The following WDR7 variants were observed in gnomAD, a reference collection of about 807,000 sequenced individuals.
WDR7 encodes the protein WD repeat-containing protein 7.
WDR7 carries 46 observed loss-of-function variants against 169.4 expected under a neutral mutation model. The ratio of observed to expected loss-of-function variants is 0.27; its 90% CI spans 0.21 to 0.35. WDR7 has a LOEUF of 0.35. Among genes scored for constraint, WDR7 ranks in the 10% least tolerant of loss-of-function variants. The pLI is 1.00. For synonymous variants in WDR7, 612 were observed against 666.8 expected (o/e 0.92, Z 1.27); for missense variants, 1,534 against 1,859.3 (o/e 0.83, Z 3.22).
At position 56,939,240 on chromosome 18, in the gene WDR7, AAATT is replaced by A. The variant is rs1363982311; in HGVS notation, c.3982-67_3982-64del. 7 of 1,209,088 alleles carry A rather than the reference AAATT, an allele frequency of 5.8e-6. No individual in the cohort carries two copies. In the African/African-American group the frequency reaches 7.8e-5, roughly 14 times the overall value. The allele number at this position is 1,209,088 out of a possible 1,614,324, so 74.9% of individuals were successfully genotyped here. A position where few individuals can be genotyped will look rare whatever the true frequency, so the allele number is the denominator to read the frequency against. On this transcript the variant is annotated intron_variant, in intron 24 of 27. Coordinates refer to ENST00000254442, the MANE Select transcript of WDR7 (RefSeq NM_015285.3). ...GACTTTCTATGGGCAAATGAGGCCT[AAATT>A]AATCATTTACATTTTGGAAAATTAA...
chr18:56,686,754 T>C, intron 6 of WDR7, 101 bp from the exon 7 acceptor site: 2 of 1,004,260 alleles, frequency 2.0e-6, no homozygotes, highest in South Asian at 2.9e-5. Context: ...GATGAACATA[T>C]GAAGCGATGC....
At chr18:57,003,992 G>A (rs891858313) in intron 26 of WDR7, among the ~76,000 whole-genome samples, 12 of 151,662 alleles carry the variant, frequency 7.9e-5, no homozygotes, top group South Asian at 6.3e-4. Flanking sequence ...CATACCCTCC[G>A]CATTATATTA....
chr18:56,938,805 A>ATGAGTG, intron 24 of WDR7, 123 bp downstream of exon 24: 1 of 594,784 alleles, frequency 1.7e-6, no homozygotes, highest in Non-Finnish European at 2.6e-6. Context: ...GAGAGAAAGA[A>ATGAGTG]TGAGTGTGTG....
intron 1 of WDR7, among the ~76,000 whole-genome samples, chr18:56,659,398 T>G (rs1005797128): frequency 6.6e-6 from 1 of 152,200 alleles, no homozygotes; most frequent in African/African-American, 2.4e-5. Context: ...AGTATTTGGA[T>G]TCCTTCTATG....
At chr18:56,785,946 G>T (rs1026410873) in intron 19 of WDR7, among the ~76,000 whole-genome samples, 16 of 151,646 alleles carry the variant, frequency 1.1e-4, no homozygotes, top group Admixed American at 1.1e-3. Context: ...AACTAAAGGT[G>T]CACACCACCA....
intron 13 of WDR7, among the ~76,000 whole-genome samples, chr18:56,728,180 T>G (rs1381652834): frequency 6.6e-6 from 1 of 152,242 alleles, no homozygotes; most frequent in Non-Finnish European, 1.5e-5. Flanking sequence ...TCACTAGAGT[T>G]TACTTAGGTC....
intron 20 of WDR7, among the ~76,000 whole-genome samples, chr18:56,848,046 G>A (rs2045591417): frequency 6.6e-6 from 1 of 152,210 alleles, no homozygotes. Flanking sequence ...TAGATCCATT[G>A]GCAGCATACA....
chr18:56,995,481 A>C (rs1477666660), intron 26 of WDR7, among the ~76,000 whole-genome samples: 1 of 152,096 alleles, frequency 6.6e-6, no homozygotes, highest in Non-Finnish European at 1.5e-5. Flanking sequence ...TCCGTACATC[A>C]CTCATTCTGT....
intron 19 of WDR7, among the ~76,000 whole-genome samples, chr18:56,807,076 G>A (rs1166230676): frequency 6.8e-6 from 1 of 147,772 alleles, no homozygotes; most frequent in African/African-American, 2.5e-5. Context: ...CAGGTGTAAG[G>A]TACTGAATGT....
At chr18:56,767,883 G>A (rs1228092145) in intron 16 of WDR7, among the ~76,000 whole-genome samples, 1 of 152,054 alleles carries the variant, frequency 6.6e-6, no homozygotes, top group African/African-American at 2.4e-5. Flanking sequence ...AACAGTATAT[G>A]TTTTATTTTT....
At chr18:56,905,442 C>T (rs2046462686) in intron 21 of WDR7, among the ~76,000 whole-genome samples, 1 of 152,070 alleles carries the variant, frequency 6.6e-6, no homozygotes, top group African/African-American at 2.4e-5. Context: ...AGCCACTGTG[C>T]CTGGTGTGAT....
intron 12 of WDR7, among the ~76,000 whole-genome samples, chr18:56,712,463 C>T (rs1471846433): frequency 6.6e-6 from 1 of 152,168 alleles, no homozygotes; most frequent in Non-Finnish European, 1.5e-5. Context: ...TAATAATTGA[C>T]CTAAGAATAT....
At chr18:56,958,047 A>T (rs1244195419) in intron 25 of WDR7, among the ~76,000 whole-genome samples, 1 of 152,144 alleles carries the variant, frequency 6.6e-6, no homozygotes, top group Non-Finnish European at 1.5e-5. Flanking sequence ...TTTGATAAAG[A>T]TTAAAAGTTC....
intron 17 of WDR7, among the ~76,000 whole-genome samples, 171 bp downstream of exon 17, chr18:56,777,051 G>A (rs1249725894): frequency 6.6e-6 from 1 of 152,194 alleles, no homozygotes; most frequent in African/African-American, 2.4e-5. Flanking sequence ...TTTTAAAAAT[G>A]TAATGTTACC....
At chr18:56,780,363 T>G (rs537406188) in intron 18 of WDR7, among the ~76,000 whole-genome samples, 1 of 152,346 alleles carries the variant, frequency 6.6e-6, no homozygotes, top group African/African-American at 2.4e-5. Flanking sequence ...ATATAATTGC[T>G]TCTTTCCTAG....
At chr18:56,963,240 G>A (rs1244230233) in intron 26 of WDR7, among the ~76,000 whole-genome samples, 1 of 152,090 alleles carries the variant, frequency 6.6e-6, no homozygotes, top group Non-Finnish European at 1.5e-5. Flanking sequence ...ATCGGGGTTA[G>A]GCTCCACCAT....
chr18:56,946,300 A>G (rs191882528), intron 25 of WDR7, among the ~76,000 whole-genome samples: 1 of 152,340 alleles, frequency 6.6e-6, no homozygotes, highest in East Asian at 1.9e-4. Flanking sequence ...AGTGCATAAG[A>G]ACATGGTGGC....
chr18:56,747,593 C>T (rs955579856), intron 14 of WDR7, among the ~76,000 whole-genome samples: 9 of 152,050 alleles, frequency 5.9e-5, no homozygotes, highest in African/African-American at 1.9e-4. Context: ...CTTTTACTAC[C>T]TAAGGTATGA....
intron 25 of WDR7, among the ~76,000 whole-genome samples, chr18:56,940,553 T>A (rs1305614006): frequency 6.6e-6 from 1 of 152,194 alleles, no homozygotes; most frequent in African/African-American, 2.4e-5. Flanking sequence ...TTATGCCGTG[T>A]GTTTGGTTTA....
Sources: allele counts gnomAD v4.1 joint callset (sites outside exome capture counted in the v4.1 genomes callset), GRCh38; gene constraint gnomAD v4.1.1; transcripts MANE v1.5; gene names NCBI Gene and HGNC (gene_info 2026-07-23, HGNC 2026-07-21).